RTN1: variants seen among roughly 807,000 people sequenced by gnomAD.
RTN1 encodes reticulon 1.
Under a neutral mutation model 65.5 loss-of-function variants are expected in RTN1, and 25 were observed. The ratio of observed to expected loss-of-function variants is 0.38; its 90% CI spans 0.28 to 0.53. The LOEUF is 0.53. Among genes scored for constraint, RTN1 ranks in the 20% least tolerant of loss-of-function variants. The pLI, the probability that RTN1 is intolerant of heterozygous loss-of-function variation, is 0.79. For missense variants in RTN1, 983 were observed against 1,025.4 expected (o/e 0.96, Z 0.57); for synonymous variants, 471 against 447.6 (o/e 1.05, Z -0.66).
intron 1 of RTN1, among the ~76,000 whole-genome samples, chr14:59,778,658 A>G (rs1283819253): frequency 6.6e-6 from 1 of 152,230 alleles, no homozygotes; most frequent in East Asian, 1.9e-4. Flanking sequence ...TTTGTGCAGC[A>G]TACAGCAGGC....
rs1215889904 is a variant in RTN1 at position 59,726,802 on chromosome 14, C to G, written c.1765+117G>C. On this transcript the variant is annotated intron_variant, in intron 3 of 8. Coordinates refer to ENST00000267484, the MANE Select transcript of RTN1 (RefSeq NM_021136.3). ...ATCCCCCCTGGAACCGTTCTCTGGT[C>G]AACTGTTTGATCAGCATGGGGATGA... 3.5e-6 allele frequency: 3 copies of G among 851,888 alleles called. No homozygotes were observed. In the East Asian group the frequency reaches 8.0e-5, roughly 23 times the overall value. The allele number at this position is 851,888 out of a possible 1,614,324, so 52.8% of individuals were successfully genotyped here.
intron 3 of RTN1, among the ~76,000 whole-genome samples, chr14:59,726,332 A>G (rs1188289775): frequency 2.0e-5 from 3 of 152,212 alleles, no homozygotes; most frequent in Non-Finnish European, 4.4e-5. Flanking sequence ...AGTCTTGCTT[A>G]GGGACAAGAG....
At chr14:59,648,878 A>AT (rs2140197750) in intron 3 of RTN1, among the ~76,000 whole-genome samples, 1 of 152,350 alleles carries the variant, frequency 6.6e-6, no homozygotes, top group Non-Finnish European at 1.5e-5. Context: ...AACTGGCATA[A>AT]GACGAGGATG....
chr14:59,672,110 AG>A (rs1883517132), intron 3 of RTN1, among the ~76,000 whole-genome samples: 1 of 152,148 alleles, frequency 6.6e-6, no homozygotes, highest in Non-Finnish European at 1.5e-5. Flanking sequence ...AGCTACAGGC[AG>A]GGAAGAGTGC....
chr14:59,615,192 G>T (rs186460475), intron 3 of RTN1, among the ~76,000 whole-genome samples: 1 of 152,318 alleles, frequency 6.6e-6, no homozygotes. Flanking sequence ...GCTCATGCCT[G>T]TAATCCCAGC....
chr14:59,663,003 C>T (rs887481924), intron 3 of RTN1, among the ~76,000 whole-genome samples: 2 of 152,162 alleles, frequency 1.3e-5, no homozygotes, highest in African/African-American at 2.4e-5. Flanking sequence ...ATCATGCTAC[C>T]TGACTTCAAA....
At chr14:59,698,835 A>G (rs540375545) in intron 3 of RTN1, among the ~76,000 whole-genome samples, 1 of 152,334 alleles carries the variant, frequency 6.6e-6, no homozygotes, top group East Asian at 1.9e-4. Context: ...TCCTGTAAGC[A>G]CTAGACTTAA....
At chr14:59,804,234 A>G (rs1886596729) in intron 1 of RTN1, among the ~76,000 whole-genome samples, 1 of 152,114 alleles carries the variant, frequency 6.6e-6, no homozygotes, top group Non-Finnish European at 1.5e-5. Context: ...CTGGTCAGGT[A>G]TATTGTAGAA....
At chr14:59,782,746 A>T (rs1383010132) in intron 1 of RTN1, among the ~76,000 whole-genome samples, 1 of 152,198 alleles carries the variant, frequency 6.6e-6, no homozygotes, top group African/African-American at 2.4e-5. Flanking sequence ...TATTGCTGCA[A>T]GAAAAGTAAT....
intron 1 of RTN1, among the ~76,000 whole-genome samples, chr14:59,773,210 A>G (rs188779108): frequency 1.2e-3 from 186 of 152,274 alleles, no homozygotes; most frequent in African/African-American, 4.1e-3. Context: ...AATCTATGAG[A>G]CATATTTCAA....
intron 3 of RTN1, among the ~76,000 whole-genome samples, chr14:59,634,623 C>A (rs1419482098): frequency 6.6e-6 from 1 of 152,112 alleles, no homozygotes; most frequent in Non-Finnish European, 1.5e-5. Flanking sequence ...ATACTAAGGA[C>A]CTGTCTCCAT....
chr14:59,729,251 T>C (rs939665618), intron 2 of RTN1, among the ~76,000 whole-genome samples: 2 of 152,056 alleles, frequency 1.3e-5, no homozygotes, highest in Non-Finnish European at 2.9e-5. Flanking sequence ...AGTGAATAAG[T>C]TGGGAAATAA....
At chr14:59,722,604 T>C (rs1375251744) in intron 3 of RTN1, among the ~76,000 whole-genome samples, 2 of 152,124 alleles carry the variant, frequency 1.3e-5, no homozygotes, top group African/African-American at 4.8e-5. Context: ...GTCCCTAATT[T>C]TATTGTTAAA....
At position 59,603,880 on chromosome 14, in the gene RTN1, G is replaced by C. The variant is rs138515142; in HGVS notation, c.2154C>G (p.Leu718=). 35 of 1,611,948 alleles carry C rather than the reference G, an allele frequency of 2.2e-5. No homozygotes were observed. In the African/African-American group the frequency reaches 4.3e-4, roughly 20 times the overall value. Residue 718 remains leucine, a synonymous_variant, in exon 6 of 9, where the codon CTC becomes CTG. Transcript: ENST00000267484. ...LMWLLTYVGA[L]FNGLTLLLMA... ...TGAGCAGCAGGGTCAGGCCATTGAAGAGAGCGCCAACGTAGGTCAGGAGCC... is the reference window on the plus strand; with the variant it reads ...TGAGCAGCAGGGTCAGGCCATTGAACAGAGCGCCAACGTAGGTCAGGAGCC...
chr14:59,795,116 T>C (rs1886416520), intron 1 of RTN1, among the ~76,000 whole-genome samples: 1 of 152,194 alleles, frequency 6.6e-6, no homozygotes, highest in Non-Finnish European at 1.5e-5. Context: ...ATTGTGTGTA[T>C]GTTTGTGTGC....
chr14:59,797,554 C>T (rs944548317), intron 1 of RTN1, among the ~76,000 whole-genome samples: 1 of 152,160 alleles, frequency 6.6e-6, no homozygotes, highest in Non-Finnish European at 1.5e-5. Context: ...TCCAGGGATG[C>T]TTCTCAGCAT....
rs144687853 is a variant in RTN1 at position 59,693,267 on chromosome 14, T to G, written c.1765+33652A>C. ...AACAAAGATAACTTTTTGCACAATT[T>G]ATCTTTTGCAGCATTTGCTATAATA... On this transcript the variant is annotated intron_variant, in intron 3 of 8. Transcript: ENST00000267484. Among the ~76,000 whole-genome samples, 1,112 of 152,382 alleles carry G rather than the reference T, an allele frequency of 7.3e-3. 7 individuals are homozygous for G. Among genetic ancestry groups the G allele is most frequent in the Middle Eastern group, 0.014 (4 of 294 alleles).
chr14:59,623,765 A>T (rs923774398), intron 3 of RTN1, among the ~76,000 whole-genome samples: 2 of 152,106 alleles, frequency 1.3e-5, no homozygotes, highest in Non-Finnish European at 2.9e-5. Flanking sequence ...GTTCCTTTTT[A>T]AAAAAAATGA....
intron 3 of RTN1, among the ~76,000 whole-genome samples, chr14:59,725,610 T>C (rs1415193346): frequency 6.6e-6 from 1 of 152,230 alleles, no homozygotes; most frequent in East Asian, 1.9e-4. Flanking sequence ...TAAATATGCT[T>C]TCAGCTCTTT....
Sources: gnomAD v4.1 joint callset for allele counts (sites outside exome capture counted in the v4.1 genomes callset) on GRCh38, gnomAD v4.1.1 for gene constraint, MANE v1.5 for transcripts, NCBI Gene and HGNC (gene_info 2026-07-23, HGNC 2026-07-21) for gene names.